Variants in SLIT1 observed in about 807,000 individuals in gnomAD.
The protein encoded by SLIT1 is slit guidance ligand 1.
In SLIT1, 66 loss-of-function variants were observed where a neutral mutation model predicts 186.1. The ratio of observed to expected loss-of-function variants is 0.35; its 90% CI spans 0.29 to 0.44. SLIT1 has a LOEUF of 0.44. Among genes scored for constraint, SLIT1 ranks in the 20% least tolerant of loss-of-function variants. The pLI is 1.00. For synonymous variants in SLIT1, 761 were observed against 833.8 expected (o/e 0.91, Z 1.50); for missense variants, 1,638 against 2,037.4 (o/e 0.80, Z 3.77).
At chr10:97,011,957 A>C (rs898799925) in intron 30 of SLIT1, among the ~76,000 whole-genome samples, 1 of 152,166 alleles carries the variant, frequency 6.6e-6, no homozygotes, top group South Asian at 2.1e-4. Flanking sequence ...ATCGCCTTCT[A>C]AACTCCTAAC....
chr10:97,131,342 G>T (rs995037724), intron 4 of SLIT1, among the ~76,000 whole-genome samples: 1 of 152,254 alleles, frequency 6.6e-6, no homozygotes, highest in Non-Finnish European at 1.5e-5. Flanking sequence ...AAATTCGCCT[G>T]GGCGCTGACA....
chr10:97,018,625 C>A lies in SLIT1; in HGVS notation c.2930G>T (p.Gly977Val). The A allele has an allele frequency of 6.3e-7, 1 of 1,595,702 alleles. No individual in the cohort carries two copies. ...SCSSGPCENG[G>V]TCHAQEGEDA... is the part of the protein sequence containing the mutation. ...CTCGCCCTCCTGTGCATGGCAGGTG[C>A]CCCCATTTTCACAGGGGCCACTGGA... The change falls in exon 28 of 37, where the codon GGC becomes GTC. Residue 977 changes from glycine (G) to valine (V), a missense_variant. Coordinates refer to ENST00000266058, the MANE Select transcript of SLIT1 (RefSeq NM_003061.3).
chr10:97,103,529 C>A, intron 4 of SLIT1: 1 of 152,224 alleles, frequency 6.6e-6, no homozygotes, highest in East Asian at 1.9e-4. Flanking sequence ...TCTCCCCAAA[C>A]TGCCTAATTT....
intron 2 of SLIT1, 30 bp from the exon 3 acceptor site, chr10:97,163,481 C>T (rs1850060049): frequency 6.2e-7 from 1 of 1,603,630 alleles, no homozygotes. Context: ...AGGACAGCTA[C>T]AGGGTGTGGG....
At chr10:97,116,175 C>G (rs1260158754) in intron 4 of SLIT1, among the ~76,000 whole-genome samples, 1 of 151,984 alleles carries the variant, frequency 6.6e-6, no homozygotes, top group Non-Finnish European at 1.5e-5. Flanking sequence ...CTGGGTCAGA[C>G]AGGTACTGAA....
At chr10:97,079,142 G>C (rs767116510) in intron 4 of SLIT1, among the ~76,000 whole-genome samples, 2 of 152,200 alleles carry the variant, frequency 1.3e-5, no homozygotes, top group Non-Finnish European at 2.9e-5. Context: ...ATGGGTAGAG[G>C]AGGGTTAATC....
intron 25 of SLIT1, among the ~76,000 whole-genome samples, chr10:97,028,419 A>G (rs891620351): frequency 1.3e-5 from 2 of 151,416 alleles, no homozygotes; most frequent in Non-Finnish European, 2.9e-5. Flanking sequence ...CAGAATTCCA[A>G]TGTCCCTTTC....
intron 4 of SLIT1, chr10:97,102,511 G>A (rs1849369777): frequency 6.6e-6 from 1 of 151,748 alleles, no homozygotes; most frequent in Admixed American, 6.6e-5. Context: ...ACACGCAAAG[G>A]TGACAACCTT....
chr10:97,017,894 G>C (rs938114167), intron 28 of SLIT1, among the ~76,000 whole-genome samples: 4 of 151,160 alleles, frequency 2.6e-5, no homozygotes, highest in African/African-American at 9.7e-5. Context: ...TGTTGCTCAG[G>C]CTGGAGTGCA....
At chr10:97,156,901 C>T (rs1278422706) in intron 4 of SLIT1, among the ~76,000 whole-genome samples, 2 of 152,104 alleles carry the variant, frequency 1.3e-5, no homozygotes, top group Non-Finnish European at 2.9e-5. Flanking sequence ...AAGGCCCTGC[C>T]GGTGGCTCTT....
chr10:97,147,256 C>T (rs1482470073), intron 4 of SLIT1, among the ~76,000 whole-genome samples: 1 of 151,978 alleles, frequency 6.6e-6, no homozygotes, highest in African/African-American at 2.4e-5. Flanking sequence ...GAGAAGTAGC[C>T]AGGAGCTGCA....
chr10:97,164,740 A>G, intron 2 of SLIT1, 79 bp downstream of exon 2: 1 of 1,074,272 alleles, frequency 9.3e-7, no homozygotes, highest in Non-Finnish European at 1.4e-6. Context: ...CCACCACCCT[A>G]CCACCCACAG....
chr10:97,175,590 C>T (rs895143261), intron 1 of SLIT1, among the ~76,000 whole-genome samples: 5 of 152,138 alleles, frequency 3.3e-5, no homozygotes, highest in Non-Finnish European at 7.3e-5. Context: ...GAGGTAGTCA[C>T]GGCCCAGCTC....
At chr10:97,031,906 A>G (rs1427678120) in intron 23 of SLIT1, among the ~76,000 whole-genome samples, 1 of 152,244 alleles carries the variant, frequency 6.6e-6, no homozygotes, top group Non-Finnish European at 1.5e-5. Flanking sequence ...CGACTGTAAA[A>G]TAGGGACAAA....
chr10:97,124,487 T>A (rs1434276379), intron 4 of SLIT1, among the ~76,000 whole-genome samples: 2 of 152,132 alleles, frequency 1.3e-5, no homozygotes. Flanking sequence ...GCCAGCTGGA[T>A]CTCCTCTGCG....
Position 97,031,739 on chromosome 10 carries a change from C to T in SLIT1, c.2439-62G>A, listed in dbSNP as rs148902047. The T allele has an allele frequency of 2.6e-4, 361 of 1,364,202 alleles. 2 individuals are homozygous for T. The East Asian group carries it at 8.4e-3, about 32-fold the overall frequency. The allele number at this position is 1,364,202 out of a possible 1,614,324, so 84.5% of individuals were successfully genotyped here. ...AGTGCCTGGCCCCTGTGGGCACAGC[C>T]GCCGCCCAGGACGTGGAGGTCCCTC... is the stretch of plus-strand genomic sequence containing the variant. On this transcript the variant is annotated intron_variant, in intron 23 of 36. Transcript: ENST00000266058.
chr10:97,141,785 T>G (rs940515466), intron 4 of SLIT1, among the ~76,000 whole-genome samples: 1 of 151,792 alleles, frequency 6.6e-6, no homozygotes, highest in Non-Finnish European at 1.5e-5. Flanking sequence ...CTGTATTGTA[T>G]TGTACTGTAT....
At chr10:97,049,223 G>A (rs1224818752) in intron 13 of SLIT1, 105 bp from the exon 14 acceptor site, 4 of 1,365,088 alleles carry the variant, frequency 2.9e-6, no homozygotes, top group Non-Finnish European at 4.0e-6. Context: ...GAGGCTGCCT[G>A]TGGCCTGGAG....
chr10:97,084,087 G>C (rs1442306403), intron 4 of SLIT1, among the ~76,000 whole-genome samples: 1 of 152,232 alleles, frequency 6.6e-6, no homozygotes, highest in African/African-American at 2.4e-5. Flanking sequence ...TCCTGGTCTG[G>C]TGGCTGCAGC....
Sources: allele counts gnomAD v4.1 joint callset (sites outside exome capture counted in the v4.1 genomes callset), GRCh38; gene constraint gnomAD v4.1.1; transcripts MANE v1.5; gene names NCBI Gene and HGNC (gene_info 2026-07-23, HGNC 2026-07-21).